Variants in BLK observed in about 807,000 individuals in gnomAD.
The protein encoded by BLK is tyrosine-protein kinase Blk.
Under a neutral mutation model 61.8 loss-of-function variants are expected in BLK, and 64 were observed. That is an observed-to-expected ratio of 1.03 (90% CI 0.85 to 1.27). BLK has a LOEUF of 1.27. Among genes scored for constraint, BLK ranks in the 50% most tolerant of loss-of-function variants. BLK has a pLI of 0.00. For missense variants in BLK, 853 were observed against 660.5 expected (o/e 1.29, Z -3.19); for synonymous variants, 351 against 272.0 (o/e 1.29, Z -2.86).
intron 1 of BLK, among the ~76,000 whole-genome samples, chr8:11,502,529 C>T (rs545095185): frequency 6.6e-6 from 1 of 152,316 alleles, no homozygotes; most frequent in South Asian, 2.1e-4. Flanking sequence ...CTCAAGTGAT[C>T]TGCCCAGTTC....
In BLK at chr8:11,555,363, C is replaced by G; in HGVS notation, c.651C>G (p.Thr217=). 6.2e-7 allele frequency: 1 copy of G among 1,614,124 alleles called. No individual in the cohort carries two copies. Among genetic ancestry groups the G allele is most frequent in the Non-Finnish European group, 8.5e-7 (1 of 1,180,022 alleles). ...KKGDGLCQRL[T]LPCVRPAPQN... ...GGGATGGTCTATGCCAGAGGCTGAC[C>G]CTGCCCTGTGTGCGCCCGGCCCCGC... Residue 217 remains threonine (T), a synonymous_variant, in exon 8 of 13, where the codon ACC becomes ACG. Transcript: ENST00000259089.
chr8:11,559,764 A>G (rs933820933), intron 10 of BLK: 4 of 456,106 alleles, frequency 8.8e-6, no homozygotes, highest in African/African-American at 8.0e-5. Flanking sequence ...TCTGCCCAGG[A>G]AGCCTTGAAC....
chr8:11,545,405 T>C (rs1337989141), intron 2 of BLK, among the ~76,000 whole-genome samples: 1 of 152,026 alleles, frequency 6.6e-6, no homozygotes, highest in African/African-American at 2.4e-5. Flanking sequence ...AAAAATTAGC[T>C]GGGCGTGATG....
intron 1 of BLK, among the ~76,000 whole-genome samples, chr8:11,516,299 C>A (rs1799223094): frequency 6.6e-6 from 1 of 152,206 alleles, no homozygotes; most frequent in Admixed American, 6.5e-5. Flanking sequence ...GAAAGCCCGA[C>A]AGACACTGTC....
intron 3 of BLK, among the ~76,000 whole-genome samples, chr8:11,546,985 C>T (rs548233348): frequency 3.9e-5 from 6 of 152,182 alleles, no homozygotes; most frequent in Non-Finnish European, 5.9e-5. Flanking sequence ...AGAGGGTGGC[C>T]TCCTTCAAAG....
chr8:11,531,139 C>G (rs1421659900), intron 1 of BLK, among the ~76,000 whole-genome samples: 1 of 152,120 alleles, frequency 6.6e-6, no homozygotes, highest in Non-Finnish European at 1.5e-5. Flanking sequence ...GCTCAGCTGT[C>G]TTCTCTGTTC....
Position 11,506,512 on chromosome 8 carries a change from G to A in BLK, c.-2+11921G>A, listed in dbSNP as rs139576483. On this transcript the variant is annotated intron_variant, in intron 1 of 12. Coordinates refer to ENST00000259089, the MANE Select transcript of BLK (RefSeq NM_001715.3). ...TGAATGACTGACAGACTGGATTTACGTATGTTGAGTGTGAATCTCAGTCCA... is the reference window on the plus strand; with the variant it reads ...TGAATGACTGACAGACTGGATTTACATATGTTGAGTGTGAATCTCAGTCCA... 1.6e-4 allele frequency among the ~76,000 whole-genome samples: 25 copies of A among 152,244 alleles called. No individual in the cohort carries two copies. In the East Asian group the frequency reaches 3.1e-3, roughly 19 times the overall value.
At position 11,505,710 on chromosome 8, in the gene BLK, G is replaced by C. The variant is rs573543457; in HGVS notation, c.-2+11119G>C. 8.5e-5 allele frequency among the ~76,000 whole-genome samples: 13 copies of C among 152,274 alleles called. No individual in the cohort carries two copies. In the East Asian group the frequency reaches 2.5e-3, roughly 29 times the overall value. On this transcript the variant is annotated intron_variant, in intron 1 of 12. Transcript: ENST00000259089. ...TGGCCCTATCACCGCACAGGGTAAA[G>C]CCACCATAAACTCCTCTGTGTTTGA...
rs567795770 is a variant in BLK, at chr8:11,540,920, G to A, written c.-1-2304G>A. Among the ~76,000 whole-genome samples the A allele has an allele frequency of 2.0e-5, 3 of 151,570 alleles. No homozygotes were observed. In the East Asian group the frequency reaches 5.8e-4, roughly 29 times the overall value. ...AAAGCCAGCGCACCTTAATGCTAAT[G>A]CCTCATAGACAAATCTCCCTTGGGA... On this transcript the variant is annotated intron_variant, in intron 1 of 12. Transcript: ENST00000259089.
At chr8:11,516,878 T>G (rs1330231289) in intron 1 of BLK, among the ~76,000 whole-genome samples, 1 of 152,238 alleles carries the variant, frequency 6.6e-6, no homozygotes, top group Non-Finnish European at 1.5e-5. Flanking sequence ...AACACTGCTG[T>G]GGACACAAGT....
chr8:11,516,015 A>G (rs974276940), intron 1 of BLK, among the ~76,000 whole-genome samples: 3 of 152,260 alleles, frequency 2.0e-5, no homozygotes, highest in African/African-American at 7.2e-5. Context: ...ATGGAACAAA[A>G]GTTCATGCCC....
At chr8:11,539,358 T>G (rs2117422630) in intron 1 of BLK, among the ~76,000 whole-genome samples, 1 of 152,320 alleles carries the variant, frequency 6.6e-6, no homozygotes, top group East Asian at 1.9e-4. Flanking sequence ...TTTTTTTTAG[T>G]AGTTGTATGA....
At chr8:11,535,070 C>A (rs924327412) in intron 1 of BLK, among the ~76,000 whole-genome samples, 4 of 151,706 alleles carry the variant, frequency 2.6e-5, no homozygotes, top group Non-Finnish European at 5.9e-5. Flanking sequence ...CCTAGCTACT[C>A]GGGAGGTTGA....
At chr8:11,561,914 G>A (rs1801519862) in intron 11 of BLK, among the ~76,000 whole-genome samples, 1 of 152,032 alleles carries the variant, frequency 6.6e-6, no homozygotes, top group Non-Finnish European at 1.5e-5. Flanking sequence ...CGCCTCCTGG[G>A]TTCAAGCAAT....
intron 1 of BLK, among the ~76,000 whole-genome samples, chr8:11,539,470 T>C (rs556892422): frequency 6.6e-6 from 1 of 152,338 alleles, no homozygotes; most frequent in East Asian, 1.9e-4. Flanking sequence ...GGGATTGTTT[T>C]TCCAACTATT....
At chr8:11,549,832 C>T (rs974797532) in intron 5 of BLK, among the ~76,000 whole-genome samples, 2 of 152,338 alleles carry the variant, frequency 1.3e-5, no homozygotes, top group African/African-American at 4.8e-5. Flanking sequence ...GGAGGAGGCA[C>T]GTGCCTGTGA....
At chr8:11,557,924 A>G in intron 9 of BLK, 38 bp from the exon 10 acceptor site, 2 of 1,603,518 alleles carry the variant, frequency 1.2e-6, no homozygotes, top group Non-Finnish European at 1.7e-6. Context: ...GGGGCGGGTC[A>G]CTTTGCAGAA....
chr8:11,563,957 GC>G lies in BLK; in HGVS notation c.1371del (p.Asp458ThrfsTer126). 1 of 1,607,052 alleles carries G rather than the reference GC, an allele frequency of 6.2e-7. No homozygotes were observed. The highest frequency in any genetic ancestry group is 1.1e-5 in the South Asian group (1 of 90,996). On this transcript the variant is annotated frameshift_variant, in exon 13 of 13. Coordinates refer to ENST00000259089, the MANE Select transcript of BLK (RefSeq NM_001715.3). LOFTEE classifies it high-confidence loss of function. ...CTGGAGCGCGGCTACCGCATGCCGC[GC>G]CCCGACACCTGCCCGCCCGAGCTGT... is the stretch of plus-strand genomic sequence containing the variant. Reference protein sequence around the residue: ...RNLERGYRMPRPDTCPPELYR... With the variant: ...RNLERGYRMPXPDTCPPELYR...
In BLK at chr8:11,556,544, C is replaced by A. The variant is rs548836967; in HGVS notation, c.773-114C>A. 5.6e-4 allele frequency: 723 copies of A among 1,290,904 alleles called. 10 individuals are homozygous for A. In the South Asian group the frequency reaches 7.7e-3, roughly 14 times the overall value. The allele number at this position is 1,290,904 out of a possible 1,614,324, so 80.0% of individuals were successfully genotyped here. On this transcript the variant is annotated intron_variant, in intron 8 of 12. Transcript: ENST00000259089. ...TGGCCTCCGGAACTGCATGTTCCAG[C>A]TCTGGCACCTGGAATGGGGTGGCAC...
Sources: gnomAD v4.1 joint callset for allele counts (sites outside exome capture counted in the v4.1 genomes callset) on GRCh38, gnomAD v4.1.1 for gene constraint, MANE v1.5 for transcripts, NCBI Gene and HGNC (gene_info 2026-07-23, HGNC 2026-07-21) for gene names.